The following PRDM16 variants were observed in gnomAD, a reference collection of about 807,000 sequenced individuals.
PRDM16 encodes histone-lysine N-methyltransferase PRDM16.
Under a neutral mutation model 110.6 loss-of-function variants are expected in PRDM16, and 23 were observed. The ratio of observed to expected loss-of-function variants is 0.21; its 90% CI spans 0.15 to 0.29. The LOEUF is 0.29. Ranked by LOEUF, PRDM16 falls within the 10% of genes least tolerant of loss-of-function variation. The pLI is 1.00. For synonymous variants in PRDM16, 799 were observed against 781.8 expected (o/e 1.02, Z -0.37); for missense variants, 1,615 against 1,794.3 (o/e 0.90, Z 1.81).
Position 3,411,594 on chromosome 1 carries a change from G to A in PRDM16, c.1397G>A (p.Ser466Asn), listed in dbSNP as rs376891320. ...IFAPGLPLTP[S>N]PMMDKAKPSP... is the part of the protein sequence containing the mutation. Reference sequence around the variant, plus strand: ...GCCCCGGGCCTGCCCTTGACCCCCAGCCCCATGATGGACAAGGCAAAACCC... The same window carrying A: ...GCCCCGGGCCTGCCCTTGACCCCCAACCCCATGATGGACAAGGCAAAACCC... The change falls in exon 9 of 17, where the codon AGC becomes AAC. Residue 466 changes from serine to asparagine, a missense_variant. Ser to Asn is a conservative substitution (Grantham distance 46). Transcript: ENST00000270722. 6.2e-7 allele frequency: 1 copy of A among 1,613,816 alleles called. No homozygotes were observed. The highest frequency in any genetic ancestry group is 2.2e-5 in the East Asian group (1 of 44,878).
At chr1:3,073,684 G>T (rs1243533412) in intron 1 of PRDM16, among the ~76,000 whole-genome samples, 2 of 152,118 alleles carry the variant, frequency 1.3e-5, no homozygotes, top group Non-Finnish European at 2.9e-5. Flanking sequence ...GGGACCCCGG[G>T]CCGGCCGGTA....
In PRDM16 at chr1:3,326,977, C is replaced by T. The variant is rs185735896; in HGVS notation, c.439-58175C>T. Among the ~76,000 whole-genome samples the T allele has an allele frequency of 2.7e-3, 409 of 152,316 alleles. 4 individuals carry two copies. Among genetic ancestry groups the T allele is most frequent in the Middle Eastern group, 0.014 (4 of 294 alleles). On this transcript the variant is annotated intron_variant, in intron 3 of 16. Transcript: ENST00000270722. ...GCTGTGAGGGCCCCCAGACGCCTGCCCTGGGAGGAGCCCACGCACAGGGCC... is the reference window on the plus strand; with the variant it reads ...GCTGTGAGGGCCCCCAGACGCCTGCTCTGGGAGGAGCCCACGCACAGGGCC...
intron 3 of PRDM16, among the ~76,000 whole-genome samples, chr1:3,355,609 G>A (rs1268825771): frequency 6.6e-6 from 1 of 152,114 alleles, no homozygotes; most frequent in African/African-American, 2.4e-5. Flanking sequence ...TCCGCTCGAC[G>A]GTGGGTGCTC....
intron 3 of PRDM16, among the ~76,000 whole-genome samples, chr1:3,294,456 A>C (rs1013757313): frequency 6.6e-6 from 1 of 152,022 alleles, no homozygotes; most frequent in African/African-American, 2.4e-5. Context: ...GAGGGGCCCC[A>C]AGAGCCTCTG....
At chr1:3,114,195 ACACG>A (rs1265056340) in intron 1 of PRDM16, among the ~76,000 whole-genome samples, 3 of 127,332 alleles carry the variant, frequency 2.4e-5, no homozygotes, top group Admixed American at 8.1e-5. Flanking sequence ...GCACACACGC[ACACG>A]CACGCACACA....
intron 12 of PRDM16, among the ~76,000 whole-genome samples, chr1:3,421,917 AAGACAGACAGGCAGGC>A (rs67114282): frequency 0.44 from 65,985 of 149,734 alleles, 16,775 homozygotes; most frequent in South Asian, 0.7. Context: ...AACAGACAGG[AAGACAGACAGGCAGGC>A]AGACAGACAG....
chr1:3,096,804 C>G (rs1317754493), intron 1 of PRDM16, among the ~76,000 whole-genome samples: 1 of 152,176 alleles, frequency 6.6e-6, no homozygotes, highest in East Asian at 1.9e-4. Flanking sequence ...TCAGTTTTCC[C>G]AGTGCCTGTC....
chr1:3,375,857 C>T (rs1000839187), intron 3 of PRDM16, among the ~76,000 whole-genome samples: 5 of 152,194 alleles, frequency 3.3e-5, no homozygotes, highest in Non-Finnish European at 7.3e-5. Context: ...AGTGAAGACC[C>T]TGCCCAAAGA....
rs1328358375 is a variant in PRDM16, at chr1:3,423,796, G to T, written c.2940-1785G>T. On this transcript the variant is annotated intron_variant, in intron 12 of 16. Coordinates refer to ENST00000270722, the MANE Select transcript of PRDM16 (RefSeq NM_022114.4). ...TCTCCAGCTGCTACCAGGCCCCCCC[G>T]GCCAGGATCCTGCTGCAGTGGGTAG... Among the ~76,000 whole-genome samples the T allele has an allele frequency of 3.9e-5, 6 of 152,344 alleles. No individual in the cohort carries two copies. The South Asian group carries it at 6.2e-4, about 16-fold the overall frequency.
intron 3 of PRDM16, among the ~76,000 whole-genome samples, chr1:3,366,002 G>A (rs879782386): frequency 7.3e-5 from 11 of 151,328 alleles, no homozygotes; most frequent in Admixed American, 2.6e-4. Context: ...GCACACATAC[G>A]CGCACGCACA....
intron 3 of PRDM16, among the ~76,000 whole-genome samples, chr1:3,352,975 A>G (rs1642524420): frequency 6.6e-6 from 1 of 152,138 alleles, no homozygotes; most frequent in South Asian, 2.1e-4. Context: ...TTCGGGGCCC[A>G]TGCGTGGCCG....
At chr1:3,304,444 C>T (rs994055321) in intron 3 of PRDM16, among the ~76,000 whole-genome samples, 2 of 152,208 alleles carry the variant, frequency 1.3e-5, no homozygotes, top group African/African-American at 4.8e-5. Context: ...CAGACAAATG[C>T]CTGCCCCGTT....
rs144839875 is a variant in PRDM16, at chr1:3,417,554, G to C, written c.2692-274G>C. ...TCAGGTCCCGCCCAAACCGGGCAGTGAGGCTGGTTGCTAAAGATCAGTTTC... is the reference window on the plus strand; with the variant it reads ...TCAGGTCCCGCCCAAACCGGGCAGTCAGGCTGGTTGCTAAAGATCAGTTTC... On this transcript the variant is annotated intron_variant, in intron 10 of 16. Coordinates refer to ENST00000270722, the MANE Select transcript of PRDM16 (RefSeq NM_022114.4). 9.7e-3 allele frequency among the ~76,000 whole-genome samples: 1,485 copies of C among 152,326 alleles called. 7 individuals carry two copies. The highest frequency in any genetic ancestry group is 0.017 in the Middle Eastern group (5 of 294).
chr1:3,287,260 G>A (rs1268501896), intron 3 of PRDM16, among the ~76,000 whole-genome samples: 11 of 151,038 alleles, frequency 7.3e-5, no homozygotes, highest in African/African-American at 2.7e-4. Context: ...ATTTACCGGG[G>A]CTGGAGGCGC....
chr1:3,109,891 C>A (rs912884204), intron 1 of PRDM16, among the ~76,000 whole-genome samples: 10 of 152,252 alleles, frequency 6.6e-5, no homozygotes, highest in African/African-American at 2.4e-4. Context: ...TTTCCAGACA[C>A]AGACACAGAC....
intron 2 of PRDM16, among the ~76,000 whole-genome samples, chr1:3,223,465 C>A (rs1639220174): frequency 6.6e-6 from 1 of 152,150 alleles, no homozygotes; most frequent in Admixed American, 6.5e-5. Flanking sequence ...CAGGTGCTGA[C>A]CCCACGCTCA....
In PRDM16 at chr1:3,426,078, A is replaced by G. The variant is rs976929581; in HGVS notation, c.3137A>G (p.Asn1046Ser). 1 of 1,613,616 alleles carries G rather than the reference A, an allele frequency of 6.2e-7. No individual in the cohort carries two copies. Reference protein sequence around the residue: ...PVSQHPGVLTNHLGTSASSPT... With the variant: ...PVSQHPGVLTSHLGTSASSPT... ...AGCCAGCACCCCGGGGTCCTCACGA[A>G]CCACCTGGGGACCAGCGCGTCCTCT... Residue 1046 changes from asparagine to serine, a missense_variant, in exon 14 of 17, where the codon AAC (asparagine) becomes AGC (serine). Asn to Ser is a conservative substitution (Grantham distance 46). This residue lies in a region of PRDM16 where 327 missense variants were observed against 359.3 expected (regional missense o/e 0.91). Transcript: ENST00000270722.
chr1:3,287,335 C>T (rs1210783376), intron 3 of PRDM16, among the ~76,000 whole-genome samples: 1 of 119,116 alleles, frequency 8.4e-6, no homozygotes, highest in African/African-American at 3.5e-5. Flanking sequence ...CGCGGGCATC[C>T]AGGATTGCAT....
At chr1:3,299,179 T>C (rs1323804711) in intron 3 of PRDM16, among the ~76,000 whole-genome samples, 1 of 150,842 alleles carries the variant, frequency 6.6e-6, no homozygotes, top group Non-Finnish European at 1.5e-5. Context: ...GCTGTGGCCA[T>C]GATGTTTCAG....
Sources: gnomAD v4.1 joint callset for allele counts (sites outside exome capture counted in the v4.1 genomes callset) on GRCh38, gnomAD v4.1.1 for gene constraint, gnomAD v4.1.1 regional missense constraint, MANE v1.5 for transcripts, NCBI Gene and HGNC (gene_info 2026-07-23, HGNC 2026-07-21) for gene names.